The following ACOT7 variants were observed in gnomAD, a reference collection of about 807,000 sequenced individuals.
ACOT7 encodes the protein acyl-CoA thioesterase 7.
Under a neutral mutation model 40.2 loss-of-function variants are expected in ACOT7, and 12 were observed. The ratio of observed to expected loss-of-function variants is 0.30; its 90% CI spans 0.19 to 0.48. ACOT7 has a LOEUF of 0.48. Among genes scored for constraint, ACOT7 ranks in the 20% least tolerant of loss-of-function variants. The probability of loss-of-function intolerance (pLI) is 0.99; values close to 1 mark genes in which losing one functional copy is unlikely to be tolerated. For synonymous variants in ACOT7, 228 were observed against 219.5 expected (o/e 1.04, Z -0.34); for missense variants, 395 against 530.8 (o/e 0.74, Z 2.51).
At chr1:6,316,902 T>G (rs1318408360) in intron 6 of ACOT7, among the ~76,000 whole-genome samples, 1 of 152,178 alleles carries the variant, frequency 6.6e-6, no homozygotes, top group Non-Finnish European at 1.5e-5. Flanking sequence ...CCTTTGACTC[T>G]CTGTGGGTGC....
chr1:6,321,675 C>A (rs972202475), intron 5 of ACOT7, among the ~76,000 whole-genome samples: 1 of 152,172 alleles, frequency 6.6e-6, no homozygotes, highest in Non-Finnish European at 1.5e-5. Context: ...CCACTGCGCC[C>A]GGCTAATTTT....
intron 5 of ACOT7, among the ~76,000 whole-genome samples, chr1:6,325,402 T>TAAA (rs111792791): frequency 0.097 from 14,158 of 145,474 alleles, 1,736 homozygotes; most frequent in African/African-American, 0.29. Flanking sequence ...TGCCTCAAAT[T>TAAA]AAAAAAAAAA....
rs1639395920 is a variant in ACOT7, at chr1:6,282,888, G to A, written c.830-1602C>T. 1 of 926,406 alleles carries A rather than the reference G, an allele frequency of 1.1e-6. No individual in the cohort carries two copies. Among genetic ancestry groups the A allele is most frequent in the South Asian group, 1.4e-5 (1 of 73,450 alleles). The allele number at this position is 926,406 out of a possible 1,614,324, so 57.4% of individuals were successfully genotyped here. A position where few individuals can be genotyped will look rare whatever the true frequency, so the allele number is the denominator to read the frequency against. On this transcript the variant is annotated intron_variant, in intron 7 of 8. Transcript: ENST00000361521. This position sits in a 1 kb window ranked among gnomAD's most constrained non-coding sequence, Gnocchi z 4.5. Reference sequence around the variant, plus strand: ...CCATGGGTCAGGCCCCAGCTAAGGAGCTAGAAGTTTCAACAGGTCAGACCT... The same window carrying A: ...CCATGGGTCAGGCCCCAGCTAAGGAACTAGAAGTTTCAACAGGTCAGACCT...
intron 7 of ACOT7, among the ~76,000 whole-genome samples, chr1:6,283,891 A>G (rs1014287069): frequency 3.9e-5 from 6 of 152,220 alleles, no homozygotes; most frequent in Admixed American, 3.3e-4. Flanking sequence ...GCTACTCGGG[A>G]GGCTCAGGCG....
intron 1 of ACOT7, among the ~76,000 whole-genome samples, chr1:6,365,355 G>A (rs1287585658): frequency 6.6e-6 from 1 of 152,126 alleles, no homozygotes; most frequent in African/African-American, 2.4e-5. Context: ...AGCACACATT[G>A]CACTTTATAA....
At chr1:6,360,897 T>C (rs1174244516) in intron 1 of ACOT7, among the ~76,000 whole-genome samples, 1 of 152,128 alleles carries the variant, frequency 6.6e-6, no homozygotes, top group Admixed American at 6.5e-5. Context: ...CACAACCAGA[T>C]GGTCCCGCAA....
At chr1:6,267,458 G>A (rs537348626) in intron 8 of ACOT7, among the ~76,000 whole-genome samples, 282 of 151,894 alleles carry the variant, frequency 1.9e-3, no homozygotes, top group African/African-American at 6.5e-3. Context: ...GCCAGGTCAG[G>A]AGATGCCTGC....
At chr1:6,363,653 GC>G (rs1383957061) in intron 1 of ACOT7, among the ~76,000 whole-genome samples, 1 of 152,042 alleles carries the variant, frequency 6.6e-6, no homozygotes, top group Non-Finnish European at 1.5e-5. Context: ...GCAGGGAAGG[GC>G]CCCCTGTCCA....
chr1:6,288,491 T>C lies in ACOT7; in HGVS notation c.829+6373A>G, dbSNP rs1355699804. 2.0e-5 allele frequency among the ~76,000 whole-genome samples: 3 copies of C among 152,234 alleles called. No individual in the cohort carries two copies. The highest frequency in any genetic ancestry group is 7.2e-5 in the African/African-American group (3 of 41,526). On this transcript the variant is annotated intron_variant, in intron 7 of 8. Transcript: ENST00000361521. This position sits in a 1 kb window ranked among gnomAD's most constrained non-coding sequence, Gnocchi z 4.3. ...GTCCTAGCAGACCTGAAGTGCCAGC[T>C]GGAGGGGCTCAAGCTGAATGTGGCA...
In ACOT7 at chr1:6,299,576, G is replaced by A. The variant is rs1345350055; in HGVS notation, c.713-4596C>T. Among the ~76,000 whole-genome samples the A allele has an allele frequency of 1.3e-5, 2 of 151,658 alleles. No individual in the cohort carries two copies. Among genetic ancestry groups the A allele is most frequent in the African/African-American group, 2.4e-5 (1 of 41,204 alleles). ...GACAGTCGGCCTCCCCTTACCGGAC[G>A]CCACACACAGAGGGCAGAGAGGCCC... On this transcript the variant is annotated intron_variant, in intron 6 of 8. Coordinates refer to ENST00000361521, the MANE Select transcript of ACOT7 (RefSeq NM_007274.4). This position sits in a 1 kb window ranked among gnomAD's most constrained non-coding sequence, Gnocchi z 4.1.
chr1:6,276,792 A>G (rs959673508), intron 8 of ACOT7, among the ~76,000 whole-genome samples: 3 of 152,174 alleles, frequency 2.0e-5, no homozygotes, highest in African/African-American at 7.2e-5. Flanking sequence ...CAACATCAAC[A>G]TTGACATCCA....
Position 6,281,149 on chromosome 1 carries a change from C to A in ACOT7, c.967G>T (p.Val323Leu), listed in dbSNP as rs548336852. The change falls in exon 8 of 9, where the codon GTG (valine) becomes TTG (leucine). Residue 323 changes from valine to leucine, a missense_variant. Transcript: ENST00000361521. ...YRAASAFFTYVSLSQEGRSLP... is the reference protein window; with the variant it reads ...YRAASAFFTYLSLSQEGRSLP... ...GACCTGCCTTCCTGGCTCAGCGACACGTAGGTGAAGAAGGCACTGGCGGCC... is the reference window on the plus strand; with the variant it reads ...GACCTGCCTTCCTGGCTCAGCGACAAGTAGGTGAAGAAGGCACTGGCGGCC... 1 of 1,614,120 alleles carries A rather than the reference C, an allele frequency of 6.2e-7. No individual in the cohort carries two copies. Among genetic ancestry groups the A allele is most frequent in the Admixed American group, 1.7e-5 (1 of 60,028 alleles).
chr1:6,341,331 G>A (rs889979345), intron 2 of ACOT7, among the ~76,000 whole-genome samples: 89 of 152,036 alleles, frequency 5.9e-4, no homozygotes, highest in Middle Eastern at 3.4e-3. Context: ...TAGTAAAGAC[G>A]GGGTTTTACC....
intron 5 of ACOT7, among the ~76,000 whole-genome samples, chr1:6,322,681 C>T (rs1030104550): frequency 2.6e-5 from 4 of 152,316 alleles, no homozygotes; most frequent in South Asian, 2.1e-4. Flanking sequence ...AAGACACCAG[C>T]CCACCCTAAT....
At chr1:6,319,939 T>C (rs6577569) in intron 5 of ACOT7, among the ~76,000 whole-genome samples, 51,515 of 152,164 alleles carry the variant, frequency 0.34, 12,956 homozygotes, top group African/African-American at 0.72. Context: ...GCCTCCCACT[T>C]GATGTCTCTG....
At chr1:6,360,654 G>A (rs771368302) in intron 1 of ACOT7, 18 of 1,614,042 alleles carry the variant, frequency 1.1e-5, no homozygotes, top group African/African-American at 4.0e-5. Context: ...CAGGAGCATC[G>A]TCTCCCCACG....
Position 6,339,601 on chromosome 1 carries a change from G to A in ACOT7, c.262-12C>T, listed in dbSNP as rs1238677259. ...GCCACACAGCGCTCCTGTGGAGACA[G>A]AGGCAGTTGTCAGCCCAGGTCAGCC... On this transcript the variant is annotated splice_polypyrimidine_tract_variant and intron_variant, in intron 2 of 8. Transcript: ENST00000361521. The A allele has an allele frequency of 1.2e-6, 2 of 1,609,656 alleles. No homozygotes were observed. The highest frequency in any genetic ancestry group is 4.5e-5 in the East Asian group (2 of 44,750).
chr1:6,335,498 A>G (rs1042106554), intron 3 of ACOT7, among the ~76,000 whole-genome samples: 1 of 152,154 alleles, frequency 6.6e-6, no homozygotes, highest in African/African-American at 2.4e-5. Context: ...GTCTTAAAAA[A>G]ATAAATAAAA....
rs1019742244 is a variant in ACOT7, at chr1:6,330,310, G to A, written c.511-2897C>T. Among the ~76,000 whole-genome samples the A allele has an allele frequency of 6.6e-6, 1 of 152,180 alleles. No individual in the cohort carries two copies. The highest frequency in any genetic ancestry group is 6.5e-5 in the Admixed American group (1 of 15,280). ...CCCATCGGAGCCAGGGAAGGAAGCTGTACTTTCTGGGATTCCTAAGCAGGC... is the reference window on the plus strand; with the variant it reads ...CCCATCGGAGCCAGGGAAGGAAGCTATACTTTCTGGGATTCCTAAGCAGGC... On this transcript the variant is annotated intron_variant, in intron 4 of 8. Transcript: ENST00000361521. This position sits in a 1 kb window ranked among gnomAD's most constrained non-coding sequence, Gnocchi z 4.6.
Sources: gnomAD v4.1 joint callset for allele counts (sites outside exome capture counted in the v4.1 genomes callset) on GRCh38, gnomAD v4.1.1 for gene constraint, Gnocchi (gnomAD v3.1) non-coding constraint, MANE v1.5 for transcripts, NCBI Gene and HGNC (gene_info 2026-07-23, HGNC 2026-07-21) for gene names.